The following SORCS1 variants were observed in gnomAD, a reference collection of about 807,000 sequenced individuals.
SORCS1 encodes the protein VPS10 domain-containing receptor SorCS1.
A neutral mutation model predicts 146.1 loss-of-function variants in SORCS1; 60 were observed. The ratio of observed to expected loss-of-function variants is 0.41; its 90% CI spans 0.33 to 0.51. The LOEUF is 0.51. Among genes scored for constraint, SORCS1 ranks in the 20% least tolerant of loss-of-function variants. The probability of loss-of-function intolerance (pLI) is 0.21; values close to 1 mark genes in which losing one functional copy is unlikely to be tolerated. For missense variants in SORCS1, 1,352 were observed against 1,487.6 expected (o/e 0.91, Z 1.50); for synonymous variants, 637 against 584.0 (o/e 1.09, Z -1.31).
chr10:107,177,958 C>T, the SORCS1 span, among the ~76,000 whole-genome samples: 1 of 151,976 alleles, frequency 6.6e-6, no homozygotes, highest in Admixed American at 6.6e-5. Flanking sequence ...GATGAGAACA[C>T]ATGGACACAT....
At chr10:107,070,056 T>A (rs916401531) in intron 1 of SORCS1, among the ~76,000 whole-genome samples, 8 of 152,234 alleles carry the variant, frequency 5.3e-5, no homozygotes, top group African/African-American at 1.9e-4. Context: ...CTCAGAATAT[T>A]TCATATAAGT....
intron 1 of SORCS1, among the ~76,000 whole-genome samples, chr10:107,021,823 C>T (rs1425458291): frequency 1.3e-5 from 2 of 152,310 alleles, no homozygotes; most frequent in African/African-American, 2.4e-5. Flanking sequence ...ATATTAACCA[C>T]ATTTTGCTTT....
chr10:106,755,286 G>C (rs190277167), intron 5 of SORCS1, among the ~76,000 whole-genome samples: 101 of 152,358 alleles, frequency 6.6e-4, no homozygotes, highest in African/African-American at 2.2e-3. Context: ...TGAGAAGGGA[G>C]TAAGTCTTGA....
chr10:106,899,275 G>C (rs898715127), intron 2 of SORCS1, among the ~76,000 whole-genome samples: 3 of 152,148 alleles, frequency 2.0e-5, no homozygotes, highest in Non-Finnish European at 4.4e-5. Flanking sequence ...TAACAATATG[G>C]GTTTGGCAAG....
chr10:107,028,582 C>A (rs958654295), intron 1 of SORCS1, among the ~76,000 whole-genome samples: 1 of 152,156 alleles, frequency 6.6e-6, no homozygotes, highest in Non-Finnish European at 1.5e-5. Context: ...TTTAATCAAT[C>A]GGTTCTCTTT....
the SORCS1 span, among the ~76,000 whole-genome samples, chr10:107,171,718 G>A: frequency 2.0e-5 from 3 of 151,974 alleles, no homozygotes; most frequent in African/African-American, 7.3e-5. Context: ...GTTTCACCAT[G>A]TTGTCCTGAC....
At chr10:106,661,610 T>C (rs1353192184) in intron 17 of SORCS1, among the ~76,000 whole-genome samples, 3 of 152,234 alleles carry the variant, frequency 2.0e-5, no homozygotes, top group African/African-American at 7.2e-5. Context: ...GACTATGTGC[T>C]AGGCATTGTG....
intron 17 of SORCS1, 134 bp from the exon 18 acceptor site, chr10:106,652,687 G>T: frequency 1.1e-6 from 1 of 901,280 alleles, no homozygotes; most frequent in East Asian, 2.5e-5. Context: ...CTACTATGAG[G>T]AGTAGGGTTA....
At chr10:106,664,964 C>T (rs1851018903) in intron 17 of SORCS1, among the ~76,000 whole-genome samples, 1 of 152,066 alleles carries the variant, frequency 6.6e-6, no homozygotes, top group Admixed American at 6.5e-5. Context: ...TTAACCTTTT[C>T]ATTTTTTTCC....
chr10:106,790,440 G>A (rs757879886), intron 3 of SORCS1, among the ~76,000 whole-genome samples: 1 of 152,202 alleles, frequency 6.6e-6, no homozygotes, highest in Non-Finnish European at 1.5e-5. Flanking sequence ...TATATAGCAG[G>A]GAAGAAATGT....
At chr10:107,003,053 C>T (rs753352659) in intron 1 of SORCS1, among the ~76,000 whole-genome samples, 47 of 152,048 alleles carry the variant, frequency 3.1e-4, no homozygotes, top group Non-Finnish European at 3.7e-4. Flanking sequence ...GTCAGGAGGT[C>T]GAGACCAGCC....
intron 1 of SORCS1, among the ~76,000 whole-genome samples, chr10:107,101,663 G>C (rs944045261): frequency 6.6e-6 from 1 of 152,010 alleles, no homozygotes; most frequent in Non-Finnish European, 1.5e-5. Context: ...CACCGGGGTT[G>C]AATATGCTTG....
chr10:106,934,100 CAAAA>C (rs57432764), intron 2 of SORCS1, among the ~76,000 whole-genome samples: 1 of 97,514 alleles, frequency 1.0e-5, no homozygotes, highest in African/African-American at 3.5e-5. Flanking sequence ...TCTCAAAAAA[CAAAA>C]AAAAAAAAAA....
intron 1 of SORCS1, among the ~76,000 whole-genome samples, chr10:107,010,060 A>G (rs1470151845): frequency 6.6e-6 from 1 of 152,204 alleles, no homozygotes; most frequent in Non-Finnish European, 1.5e-5. Context: ...CAGTTCTGAA[A>G]AAAGAATCTA....
At chr10:106,759,505 G>T (rs890027506) in intron 5 of SORCS1, among the ~76,000 whole-genome samples, 2 of 152,084 alleles carry the variant, frequency 1.3e-5, no homozygotes, top group Non-Finnish European at 2.9e-5. Flanking sequence ...TACATTCAAA[G>T]GTATTGATAA....
chr10:106,819,033 T>C (rs12250884), intron 3 of SORCS1, among the ~76,000 whole-genome samples: 5,432 of 152,260 alleles, frequency 0.036, 226 homozygotes, highest in East Asian at 0.15. Context: ...TTAAAAAAGA[T>C]CTGGAACAAA....
intron 2 of SORCS1, among the ~76,000 whole-genome samples, chr10:106,833,918 C>A (rs541530656): frequency 6.6e-6 from 1 of 152,144 alleles, no homozygotes; most frequent in South Asian, 2.1e-4. Context: ...CTCAGCATCC[C>A]GAGTAGCTGG....
chr10:107,130,042 G>T (rs1648835638), intron 1 of SORCS1, among the ~76,000 whole-genome samples: 1 of 152,112 alleles, frequency 6.6e-6, no homozygotes, highest in Admixed American at 6.5e-5. Flanking sequence ...ATATTCTAGG[G>T]AAAAAGAACA....
intron 1 of SORCS1, among the ~76,000 whole-genome samples, chr10:107,038,462 G>T (rs1959007686): frequency 2.0e-5 from 3 of 151,970 alleles, no homozygotes; most frequent in Admixed American, 2.0e-4. Context: ...AATGGGTGCA[G>T]CACACCAACA....
Sources: gnomAD v4.1 joint callset for allele counts (sites outside exome capture counted in the v4.1 genomes callset) on GRCh38, gnomAD v4.1.1 for gene constraint, MANE v1.5 for transcripts, NCBI Gene and HGNC (gene_info 2026-07-23, HGNC 2026-07-21) for gene names.